The following MEGF6 variants were observed in gnomAD, a reference collection of about 807,000 sequenced individuals.
MEGF6 encodes multiple epidermal growth factor-like domains protein 6.
Under a neutral mutation model 207.1 loss-of-function variants are expected in MEGF6, and 184 were observed. That is an observed-to-expected ratio of 0.89 (90% CI 0.79 to 1.00). The LOEUF is 1.00. MEGF6 is among the 50% of genes least tolerant of loss of function. The pLI is 0.00. For synonymous variants in MEGF6, 1,038 were observed against 910.0 expected (o/e 1.14, Z -2.53); for missense variants, 2,282 against 2,202.9 (o/e 1.04, Z -0.72).
Position 3,565,611 on chromosome 1 carries a change from C to T in MEGF6, c.481+14214G>A, listed in dbSNP as rs7524959. On this transcript the variant is annotated intron_variant, in intron 4 of 36. Transcript: ENST00000356575. The surrounding 1 kb of genome is among the most constrained non-coding windows in gnomAD (Gnocchi z 4.8). ...CATGGTAGGACCTGGGGCACAGCAC[C>T]AGGGTGCCCGGTGTCCAAGAACCTC... Among the ~76,000 whole-genome samples the T allele has an allele frequency of 0.012, 1,882 of 152,290 alleles. 37 individuals carry two copies. The highest frequency in any genetic ancestry group is 0.043 in the African/African-American group (1,779 of 41,560).
chr1:3,497,037 G>A lies in MEGF6; in HGVS notation c.3564C>T (p.Thr1188=), dbSNP rs137946338. 8.0e-4 allele frequency: 1,235 copies of A among 1,553,358 alleles called. 8 individuals carry two copies. In the African/African-American group the frequency reaches 0.014, roughly 18 times the overall value. The change falls in exon 28 of 37, where the codon ACC becomes ACT. Residue 1188 remains threonine (T), a synonymous_variant. Coordinates refer to ENST00000356575, the MANE Select transcript of MEGF6 (RefSeq NM_001409.4). Reference sequence around the variant, plus strand: ...AGCCAGCAGCACATGAGCAGGTCCCGGTGGCAGGGTGGCAGGCCGGGTTCT... The same window carrying A: ...AGCCAGCAGCACATGAGCAGGTCCCAGTGGCAGGGTGGCAGGCCGGGTTCT... ...PGENPACHPA[T]GTCSCAAGYH...
In MEGF6 at chr1:3,583,888, G is replaced by A. The variant is rs113913150; in HGVS notation, c.377-3959C>T. Among the ~76,000 whole-genome samples, 416 of 90,928 alleles carry A rather than the reference G, an allele frequency of 4.6e-3. 1 individual carries two copies. The highest frequency in any genetic ancestry group is 0.014 in the Middle Eastern group (2 of 146). 59.7% of individuals were successfully genotyped at this position (90,928 alleles called of 152,430 possible). A position where few individuals can be genotyped will look rare whatever the true frequency, so the allele number is the denominator to read the frequency against. ...ACAACGCGCAGCCACCAGACAACGC[G>A]CAGCCACCAGACAACGCGCAGCCAC... is the stretch of plus-strand genomic sequence containing the variant. On this transcript the variant is annotated intron_variant, in intron 3 of 36. Transcript: ENST00000356575.
chr1:3,500,023 C>G, intron 21 of MEGF6, 99 bp from the exon 22 acceptor site: 1 of 1,434,250 alleles, frequency 7.0e-7, no homozygotes. Flanking sequence ...GTGGGACAGG[C>G]CTGGCTCATG....
chr1:3,583,256 T>C (rs1643842977), intron 3 of MEGF6, among the ~76,000 whole-genome samples: 2 of 151,188 alleles, frequency 1.3e-5, no homozygotes, highest in South Asian at 2.1e-4. Context: ...CACTGCAGCA[T>C]GTGCTGACAA....
In MEGF6 at chr1:3,499,844, C is replaced by T. The variant is rs1277267283; in HGVS notation, c.2788G>A (p.Gly930Arg). ...CAGCCGGCCGGGCAGGTGCAGGCCC[C>T]GCTGACGTGGTCACAGGCTGCTCCA... ...QHGAACDHVS[G>R]ACTCPAGWRG... The change falls in exon 22 of 37, where the codon GGG becomes AGG. Residue 930 changes from glycine to arginine, a missense_variant. Gly to Arg is a moderately radical substitution (Grantham distance 125). Transcript: ENST00000356575. 9 of 1,553,796 alleles carry T rather than the reference C, an allele frequency of 5.8e-6. No homozygotes were observed. The Admixed American group carries it at 1.4e-4, about 23-fold the overall frequency.
intron 17 of MEGF6, among the ~76,000 whole-genome samples, chr1:3,503,058 G>A (rs916327784): frequency 6.6e-5 from 10 of 152,204 alleles, no homozygotes; most frequent in African/African-American, 1.9e-4. Context: ...GGCCCACAGC[G>A]GGGCTGAGAG....
chr1:3,562,643 C>T (rs753902396), intron 4 of MEGF6, among the ~76,000 whole-genome samples: 15 of 152,246 alleles, frequency 9.9e-5, no homozygotes, highest in Non-Finnish European at 1.5e-4. Flanking sequence ...CTCAGACCCC[C>T]GCCAGGGGTG....
chr1:3,620,786 G>C, the MEGF6 span, among the ~76,000 whole-genome samples: 1 of 152,216 alleles, frequency 6.6e-6, no homozygotes, highest in African/African-American at 2.4e-5. Context: ...CCAAGGCGCG[G>C]AGACCGGTAG....
chr1:3,522,666 C>T (rs576762897), intron 5 of MEGF6, among the ~76,000 whole-genome samples: 468 of 152,098 alleles, frequency 3.1e-3, no homozygotes, highest in Non-Finnish European at 4.8e-3. Flanking sequence ...GGAAGGTCAC[C>T]ATCACACAGA....
chr1:3,491,066 C>G, intron 35 of MEGF6, 107 bp from the exon 36 acceptor site: 1 of 1,058,404 alleles, frequency 9.4e-7, no homozygotes, highest in East Asian at 2.8e-5. Context: ...CCTCCACTTC[C>G]CCCGCACAGT....
At chr1:3,536,745 C>G (rs2794325) in intron 4 of MEGF6, among the ~76,000 whole-genome samples, 1 of 152,316 alleles carries the variant, frequency 6.6e-6, no homozygotes, top group South Asian at 2.1e-4. Context: ...CCAAGCTGGG[C>G]GGCCACCAGG....
intron 13 of MEGF6, 39 bp downstream of exon 13, chr1:3,508,519 G>T: frequency 1.3e-6 from 2 of 1,597,022 alleles, no homozygotes; most frequent in South Asian, 2.3e-5. Context: ...GGGCTCAGAG[G>T]CCCCTTCCCA....
intron 4 of MEGF6, among the ~76,000 whole-genome samples, chr1:3,551,959 G>A (rs1642899621): frequency 1.3e-5 from 2 of 152,188 alleles, no homozygotes; most frequent in Non-Finnish European, 2.9e-5. Context: ...GGGTGCCCAG[G>A]TGGGCCGTTC....
chr1:3,495,748 G>A, intron 30 of MEGF6, 142 bp downstream of exon 30: 2 of 1,072,562 alleles, frequency 1.9e-6, no homozygotes, highest in East Asian at 2.8e-5. Flanking sequence ...TCTCATCTCA[G>A]CCCCAGGGTC....
At chr1:3,568,972 G>T (rs1451400871) in intron 4 of MEGF6, among the ~76,000 whole-genome samples, 1 of 151,342 alleles carries the variant, frequency 6.6e-6, no homozygotes, top group Non-Finnish European at 1.5e-5. Flanking sequence ...GAGCTGTCAG[G>T]CTGGGCACTG....
chr1:3,511,530 T>A lies in MEGF6; in HGVS notation c.1114+20A>T. 1 of 1,592,118 alleles carries A rather than the reference T, an allele frequency of 6.3e-7. No homozygotes were observed. The highest frequency in any genetic ancestry group is 1.3e-5 in the African/African-American group (1 of 74,628). On this transcript the variant is annotated intron_variant, in intron 9 of 36. Transcript: ENST00000356575. ...GTCCCTGGAGTGGGGTGCAGGCATC[T>A]GGGAGGAGCCAGTGCGCACCGATGC...
At chr1:3,533,967 C>T (rs1286464200) in intron 4 of MEGF6, among the ~76,000 whole-genome samples, 2 of 152,166 alleles carry the variant, frequency 1.3e-5, no homozygotes, top group South Asian at 2.1e-4. Flanking sequence ...AGGCACCAGC[C>T]GCACCCTCAG....
intron 34 of MEGF6, 71 bp downstream of exon 34, chr1:3,493,700 C>T: frequency 6.4e-7 from 1 of 1,565,336 alleles, no homozygotes; most frequent in Non-Finnish European, 8.7e-7. Context: ...CAGGTAGGGC[C>T]CAACCAATCA....
intron 4 of MEGF6, among the ~76,000 whole-genome samples, chr1:3,568,821 C>T (rs1055222737): frequency 6.6e-6 from 1 of 152,184 alleles, no homozygotes; most frequent in African/African-American, 2.4e-5. Context: ...TCTGCTCCCT[C>T]CACCAGCCAA....
Sources: allele counts gnomAD v4.1 joint callset (sites outside exome capture counted in the v4.1 genomes callset), GRCh38; gene constraint gnomAD v4.1.1; non-coding constraint Gnocchi (gnomAD v3.1); transcripts MANE v1.5; gene names NCBI Gene and HGNC (gene_info 2026-07-23, HGNC 2026-07-21).